The following SFMBT2 variants were observed in gnomAD, a reference collection of about 807,000 sequenced individuals.
SFMBT2 encodes scm-like with four MBT domains protein 2.
A neutral mutation model predicts 110.1 loss-of-function variants in SFMBT2; 38 were observed. The observed-to-expected ratio is 0.35, with a 90% CI of 0.27 to 0.45. SFMBT2 has a LOEUF of 0.45. Ranked by LOEUF, SFMBT2 falls within the 20% of genes least tolerant of loss-of-function variation. The pLI, the probability that SFMBT2 is intolerant of heterozygous loss-of-function variation, is 1.00. For missense variants in SFMBT2, 1,011 were observed against 1,094.9 expected (o/e 0.92, Z 1.08); for synonymous variants, 425 against 425.4 (o/e 1.00, Z 0.01).
At chr10:7,195,221 T>C (rs935904313) in intron 15 of SFMBT2, among the ~76,000 whole-genome samples, 2 of 152,236 alleles carry the variant, frequency 1.3e-5, no homozygotes, top group African/African-American at 2.4e-5. Context: ...GAAATTCTTA[T>C]GTGTAATCCT....
chr10:7,324,167 T>C (rs1843298167), intron 4 of SFMBT2, among the ~76,000 whole-genome samples: 1 of 152,232 alleles, frequency 6.6e-6, no homozygotes, highest in Non-Finnish European at 1.5e-5. Context: ...TAGTGAGATT[T>C]CTGAACACTT....
intron 7 of SFMBT2, among the ~76,000 whole-genome samples, chr10:7,261,533 C>T (rs960396482): frequency 3.9e-5 from 6 of 152,118 alleles, no homozygotes; most frequent in South Asian, 2.1e-4. Flanking sequence ...ATCCCTTTGC[C>T]GGGTGGGGGT....
In SFMBT2 at chr10:7,228,716, TTTCTTTC is replaced by T. The variant is rs1228894731; in HGVS notation, c.1121-786_1121-780del. 3.7e-5 allele frequency among the ~76,000 whole-genome samples: 5 copies of T among 133,414 alleles called. No homozygotes were observed. The Admixed American group carries it at 3.8e-4, about 10-fold the overall frequency. 87.5% of individuals were successfully genotyped at this position (133,414 alleles called of 152,430 possible). A position where few individuals can be genotyped will look rare whatever the true frequency, so the allele number is the denominator to read the frequency against. On this transcript the variant is annotated intron_variant, in intron 9 of 20. Coordinates refer to ENST00000397167, the MANE Select transcript of SFMBT2 (RefSeq NM_001387889.1). ...CTTTCTTTCTTTCTTTCTTTCTTTC[TTTCTTTC>T]TTTCTTTCTTTCCTTTCTCTCTCTC...
chr10:7,259,605 C>T (rs530012484), intron 7 of SFMBT2, among the ~76,000 whole-genome samples: 30 of 152,212 alleles, frequency 2.0e-4, no homozygotes, highest in Non-Finnish European at 3.7e-4. Context: ...GGGCACATGC[C>T]CCTGGCCCCT....
At chr10:7,285,739 A>G (rs1329910081) in intron 5 of SFMBT2, 127 bp downstream of exon 5, 1 of 675,934 alleles carries the variant, frequency 1.5e-6, no homozygotes, top group Non-Finnish European at 2.8e-6. Flanking sequence ...AAGGGAGGCT[A>G]TTTGGATGGC....
In SFMBT2 at chr10:7,171,157, T is replaced by G. The variant is rs1002589839; in HGVS notation, c.2416-101A>C. 6.4e-7 allele frequency: 1 copy of G among 1,570,642 alleles called. No homozygotes were observed. The highest frequency in any genetic ancestry group is 1.3e-5 in the African/African-American group (1 of 74,212). On this transcript the variant is annotated intron_variant, in intron 19 of 20. Transcript: ENST00000397167. The surrounding 1 kb of genome is among the most constrained non-coding windows in gnomAD (Gnocchi z 4.9). ...TCGGCCGTTCCTGGCCGGAAGCCAC[T>G]GCCTCCCTTTGCTCCCTCACTGGGC...
intron 4 of SFMBT2, among the ~76,000 whole-genome samples, chr10:7,355,790 C>T (rs983325879): frequency 2.0e-5 from 3 of 152,106 alleles, no homozygotes; most frequent in Non-Finnish European, 1.5e-5. Context: ...CCAGCCTGGG[C>T]GACAAGGTGC....
intron 13 of SFMBT2, 44 bp downstream of exon 13, chr10:7,202,436 T>A (rs965146400): frequency 1.2e-6 from 2 of 1,612,664 alleles, no homozygotes; most frequent in African/African-American, 2.7e-5. Flanking sequence ...GACACTACAG[T>A]TTATCGGTAT....
At chr10:7,185,271 G>A (rs191872238) in intron 16 of SFMBT2, among the ~76,000 whole-genome samples, 38 of 152,302 alleles carry the variant, frequency 2.5e-4, no homozygotes, top group Non-Finnish European at 4.4e-4. Context: ...AGTTCACCTC[G>A]TGCGTTTTCA....
chr10:7,290,963 C>T (rs1842246456), intron 4 of SFMBT2, among the ~76,000 whole-genome samples: 5 of 152,248 alleles, frequency 3.3e-5, no homozygotes. Context: ...ATCAAGTGCA[C>T]ATCCACATAG....
rs1846102468 is a variant in SFMBT2 at position 7,402,264 on chromosome 10, G to A, written c.-52+8597C>T. On this transcript the variant is annotated intron_variant, in intron 1 of 20. Coordinates refer to ENST00000397167, the MANE Select transcript of SFMBT2 (RefSeq NM_001387889.1). Reference sequence around the variant, plus strand: ...CAGAGAGATTTTTCTCTAATGAAAAGATAGTATATTTGTCCCAGTGCCAAA... The same window carrying A: ...CAGAGAGATTTTTCTCTAATGAAAAAATAGTATATTTGTCCCAGTGCCAAA... Among the ~76,000 whole-genome samples, 3 of 152,182 alleles carry A rather than the reference G, an allele frequency of 2.0e-5. No homozygotes were observed. In the South Asian group the frequency reaches 6.2e-4, roughly 32 times the overall value.
chr10:7,404,612 C>G (rs1262023449), intron 1 of SFMBT2, among the ~76,000 whole-genome samples: 1 of 152,106 alleles, frequency 6.6e-6, no homozygotes, highest in Non-Finnish European at 1.5e-5. Flanking sequence ...GTCATTTTTG[C>G]TTTTCAGAAA....
At chr10:7,236,826 C>G (rs1385970141) in intron 9 of SFMBT2, among the ~76,000 whole-genome samples, 1 of 151,856 alleles carries the variant, frequency 6.6e-6, no homozygotes, top group Non-Finnish European at 1.5e-5. Context: ...CATTAAAAAG[C>G]AAAGAAACAA....
intron 20 of SFMBT2, among the ~76,000 whole-genome samples, chr10:7,166,638 G>A (rs1347374367): frequency 1.3e-5 from 2 of 152,168 alleles, no homozygotes; most frequent in African/African-American, 4.8e-5. Flanking sequence ...TAGGATACAG[G>A]GATATTAACA....
chr10:7,220,103 T>G (rs1839676058), intron 11 of SFMBT2, among the ~76,000 whole-genome samples: 1 of 152,194 alleles, frequency 6.6e-6, no homozygotes, highest in Non-Finnish European at 1.5e-5. Context: ...AATCTCAGTT[T>G]TAGTGACTCA....
intron 8 of SFMBT2, among the ~76,000 whole-genome samples, chr10:7,244,574 C>T (rs899926905): frequency 6.6e-6 from 1 of 152,090 alleles, no homozygotes; most frequent in Non-Finnish European, 1.5e-5. Flanking sequence ...ACAAGACATG[C>T]CGATAAACAA....
chr10:7,392,423 G>A (rs1034731156), intron 1 of SFMBT2, among the ~76,000 whole-genome samples: 2 of 152,110 alleles, frequency 1.3e-5, no homozygotes, highest in Non-Finnish European at 2.9e-5. Flanking sequence ...GCTGAGGCAG[G>A]AGAATCGCTT....
At position 7,410,994 on chromosome 10, in the gene SFMBT2, C is replaced by G. The variant is rs1271418981; in HGVS notation, c.-185G>C. ...CCGCCCGCCGCCTCCCTCGCGCGCC[C>G]GCTCCGGTCCTCCGGCTCCCACTAC... On this transcript the variant is annotated 5_prime_UTR_variant, in exon 1 of 21. Coordinates refer to ENST00000397167, the MANE Select transcript of SFMBT2 (RefSeq NM_001387889.1). Among the ~76,000 whole-genome samples, 2 of 151,106 alleles carry G rather than the reference C, an allele frequency of 1.3e-5. No individual in the cohort carries two copies. Among genetic ancestry groups the G allele is most frequent in the African/African-American group, 2.4e-5 (1 of 41,100 alleles).
At chr10:7,255,478 C>T (rs1840971464) in intron 7 of SFMBT2, among the ~76,000 whole-genome samples, 1 of 152,206 alleles carries the variant, frequency 6.6e-6, no homozygotes, top group Admixed American at 6.5e-5. Context: ...AAACTGCTCT[C>T]CTTTAATAAA....
Sources: allele counts gnomAD v4.1 joint callset (sites outside exome capture counted in the v4.1 genomes callset), GRCh38; gene constraint gnomAD v4.1.1; non-coding constraint Gnocchi (gnomAD v3.1); transcripts MANE v1.5; gene names NCBI Gene and HGNC (gene_info 2026-07-23, HGNC 2026-07-21).